Variants in CFAP210 observed in about 807,000 individuals in gnomAD.
The protein encoded by CFAP210 is cilia and flagella associated protein 210, also known as cilia- and flagella- associated protein 210.
the CFAP210 span, among the ~76,000 whole-genome samples, chr2:169,647,325 G>A: frequency 6.6e-6 from 1 of 152,068 alleles, no homozygotes; most frequent in Non-Finnish European, 1.5e-5. Context: ...TTGAAGCACA[G>A]AAAGGAAGTG....
At chr2:169,661,402 A>G in the CFAP210 span, 5 of 374,768 alleles carry the variant, frequency 1.3e-5, no homozygotes, top group South Asian at 4.3e-5. Flanking sequence ...CCTCCTCTTG[A>G]ACCTCCAAGC....
chr2:169,686,689 C>T, the CFAP210 span, among the ~76,000 whole-genome samples: 4 of 152,088 alleles, frequency 2.6e-5, no homozygotes, highest in Non-Finnish European at 5.9e-5. Context: ...ACAGCAAGAC[C>T]CCATTTCTAA....
At chr2:169,665,339 G>A in the CFAP210 span, among the ~76,000 whole-genome samples, 3 of 152,190 alleles carry the variant, frequency 2.0e-5, no homozygotes, top group African/African-American at 7.2e-5. Flanking sequence ...AGGCTGGAGT[G>A]TAGTGGTACA....
the CFAP210 span, chr2:169,649,387 T>C: frequency 3.8e-4 from 591 of 1,550,660 alleles, 3 homozygotes; most frequent in Middle Eastern, 1.1e-3. Flanking sequence ...AAACCAGTTA[T>C]AGCAACCAGT....
At chr2:169,675,898 T>C in the CFAP210 span, among the ~76,000 whole-genome samples, 1 of 152,234 alleles carries the variant, frequency 6.6e-6, no homozygotes, top group Non-Finnish European at 1.5e-5. Context: ...TCATGTCATA[T>C]GAGGTCTTCC....
At chr2:169,680,458 T>C in the CFAP210 span, among the ~76,000 whole-genome samples, 1 of 152,242 alleles carries the variant, frequency 6.6e-6, no homozygotes, top group Non-Finnish European at 1.5e-5. Context: ...AAGTGAATGT[T>C]CATAGCAGCT....
At chr2:169,671,532 G>A in the CFAP210 span, among the ~76,000 whole-genome samples, 10 of 152,264 alleles carry the variant, frequency 6.6e-5, no homozygotes, top group African/African-American at 1.7e-4. Flanking sequence ...ACAATGGCAC[G>A]ATCTTGGCTC....
At chr2:169,694,232 C>T in the CFAP210 span, 5 of 1,609,786 alleles carry the variant, frequency 3.1e-6, no homozygotes, top group Admixed American at 5.0e-5. Flanking sequence ...GAAACAATCC[C>T]TGTCCCTGGA....
the CFAP210 span, among the ~76,000 whole-genome samples, chr2:169,663,806 A>C: frequency 8.9e-3 from 1,346 of 151,968 alleles, 28 homozygotes; most frequent in African/African-American, 0.031. Context: ...TAAAAAAAAA[A>C]AACCAAGCTT....
the CFAP210 span, among the ~76,000 whole-genome samples, chr2:169,660,636 C>T: frequency 2.0e-5 from 3 of 147,586 alleles, no homozygotes; most frequent in South Asian, 6.4e-4. Flanking sequence ...CAGAGTCTTG[C>T]TCTATTGCCC....
the CFAP210 span, among the ~76,000 whole-genome samples, chr2:169,684,923 TGA>T: frequency 1.2e-4 from 19 of 152,224 alleles, no homozygotes; most frequent in Non-Finnish European, 2.8e-4. Context: ...CCCAAAGTGC[TGA>T]GATTACAGGT....
chr2:169,682,514 A>AC, the CFAP210 span, among the ~76,000 whole-genome samples: 1 of 152,152 alleles, frequency 6.6e-6, no homozygotes, highest in South Asian at 2.1e-4. Flanking sequence ...AAACTGATTC[A>AC]ACATGCTGTT....
the CFAP210 span, chr2:169,681,067 T>C: frequency 6.2e-7 from 1 of 1,613,860 alleles, no homozygotes; most frequent in African/African-American, 1.3e-5. Context: ...TTTCTTTCTT[T>C]GCCTTTCTTT....
At chr2:169,649,230 T>G in the CFAP210 span, 1 of 1,613,806 alleles carries the variant, frequency 6.2e-7, no homozygotes, top group Non-Finnish European at 8.5e-7. Context: ...CTTTATCAGC[T>G]TTGCATTTTT....
At chr2:169,658,725 A>C in the CFAP210 span, 1 of 325,052 alleles carries the variant, frequency 3.1e-6, no homozygotes, top group South Asian at 2.9e-5. Flanking sequence ...CTGTTATTGC[A>C]TCATGGATTT....
chr2:169,645,982 T>A, the CFAP210 span: 1 of 1,613,974 alleles, frequency 6.2e-7, no homozygotes, highest in Admixed American at 1.7e-5. Context: ...CAAACACTGG[T>A]CCACGGCCAC....
chr2:169,680,443 CTT>C, the CFAP210 span, among the ~76,000 whole-genome samples: 3 of 152,170 alleles, frequency 2.0e-5, no homozygotes, highest in Non-Finnish European at 4.4e-5. Flanking sequence ...CATACATAGA[CTT>C]ATAAGTGAAT....
the CFAP210 span, among the ~76,000 whole-genome samples, chr2:169,656,353 G>A: frequency 8.3e-6 from 1 of 120,696 alleles, no homozygotes; most frequent in Non-Finnish European, 1.9e-5. Context: ...AGAGGAAGAG[G>A]AGGAAAAAGG....
chr2:169,646,205 T>G, the CFAP210 span: 1 of 1,540,212 alleles, frequency 6.5e-7, no homozygotes, highest in Non-Finnish European at 8.9e-7. Context: ...GAAAGGAAAT[T>G]TAACTTAATA....
Sources: allele counts gnomAD v4.1 joint callset (sites outside exome capture counted in the v4.1 genomes callset), GRCh38; gene constraint gnomAD v4.1.1; transcripts MANE v1.5; gene names NCBI Gene and HGNC (gene_info 2026-07-23, HGNC 2026-07-21).